LRP1B: variants seen among roughly 807,000 people sequenced by gnomAD.
The protein encoded by LRP1B is low-density lipoprotein receptor-related protein 1B.
Under a neutral mutation model 556.6 loss-of-function variants are expected in LRP1B, and 217 were observed. That is an observed-to-expected ratio of 0.39 (90% CI 0.35 to 0.44). The LOEUF (loss-of-function observed/expected upper bound fraction) is 0.44. Among genes scored for constraint, LRP1B ranks in the 20% least tolerant of loss-of-function variants. The pLI is 1.00. For missense variants in LRP1B, 5,053 were observed against 5,620.8 expected (o/e 0.90, Z 3.23); for synonymous variants, 2,047 against 1,865.8 (o/e 1.10, Z -2.50).
intron 1 of LRP1B, among the ~76,000 whole-genome samples, chr2:142,037,797 T>C (rs1460290100): frequency 6.6e-6 from 1 of 150,880 alleles, no homozygotes; most frequent in African/African-American, 2.4e-5. Context: ...ATTATTACCC[T>C]AAACATTTTT....
At chr2:141,946,790 G>A (rs759472356) in intron 1 of LRP1B, among the ~76,000 whole-genome samples, 8 of 152,004 alleles carry the variant, frequency 5.3e-5, no homozygotes, top group Non-Finnish European at 8.8e-5. Context: ...GTATCTCACC[G>A]ACATTATTTG....
At chr2:140,921,634 A>C (rs1573881573) in intron 21 of LRP1B, among the ~76,000 whole-genome samples, 2 of 152,010 alleles carry the variant, frequency 1.3e-5, no homozygotes, top group East Asian at 3.8e-4. Context: ...AATAACCCTA[A>C]AATTATGACT....
intron 2 of LRP1B, among the ~76,000 whole-genome samples, chr2:141,504,236 AAGTTCTC>A (rs1683834729): frequency 6.6e-6 from 1 of 152,180 alleles, no homozygotes; most frequent in African/African-American, 2.4e-5. Context: ...TAAAGACTGT[AAGTTCTC>A]CAAGGGCAGG....
At chr2:140,507,090 T>G (rs1689451114) in intron 52 of LRP1B, among the ~76,000 whole-genome samples, 172 bp from the exon 53 acceptor site, 1 of 152,324 alleles carries the variant, frequency 6.6e-6, no homozygotes, top group South Asian at 2.1e-4. Context: ...GCATATGTAT[T>G]TATATTAGAA....
At chr2:141,165,348 AT>A (rs141482928) in intron 7 of LRP1B, among the ~76,000 whole-genome samples, 1 of 151,454 alleles carries the variant, frequency 6.6e-6, no homozygotes, top group Non-Finnish European at 1.5e-5. Context: ...ATTTTTGTTT[AT>A]TTATTTATTG....
intron 6 of LRP1B, among the ~76,000 whole-genome samples, chr2:141,222,330 T>C (rs970246979): frequency 1.3e-5 from 2 of 152,094 alleles, no homozygotes; most frequent in Admixed American, 1.3e-4. Context: ...CACCCAAGAC[T>C]GAACCAGAAA....
intron 1 of LRP1B, among the ~76,000 whole-genome samples, chr2:142,053,407 A>T (rs1020580996): frequency 6.6e-6 from 1 of 152,012 alleles, no homozygotes; most frequent in Non-Finnish European, 1.5e-5. Flanking sequence ...ATAAAATACA[A>T]CTCTTAGACT....
intron 3 of LRP1B, among the ~76,000 whole-genome samples, chr2:141,473,396 ACCTATAGAAGTTCTATTCTT>A (rs1277124839): frequency 6.6e-6 from 1 of 152,158 alleles, no homozygotes; most frequent in African/African-American, 2.4e-5. Flanking sequence ...AGGATGAAAC[ACCTATAGAAGTTCTATTCTT>A]TCTAGAAATT....
intron 2 of LRP1B, among the ~76,000 whole-genome samples, chr2:141,753,015 G>A (rs553965798): frequency 2.7e-5 from 4 of 145,590 alleles, no homozygotes; most frequent in South Asian, 4.4e-4. Flanking sequence ...TTGGGAGGCC[G>A]AGGCAGGTGG....
intron 7 of LRP1B, among the ~76,000 whole-genome samples, chr2:141,152,780 C>T (rs1249448): frequency 0.31 from 46,877 of 151,290 alleles, 7,749 homozygotes; most frequent in East Asian, 0.65. Context: ...ATGAATGAAT[C>T]GGTTAAATTC....
At chr2:141,314,218 A>G (rs1686913528) in intron 3 of LRP1B, among the ~76,000 whole-genome samples, 2 of 152,154 alleles carry the variant, frequency 1.3e-5, no homozygotes, top group Non-Finnish European at 2.9e-5. Context: ...TACCTGGTAT[A>G]GCTCTGTCTT....
At chr2:140,507,785 G>A (rs1420766033) in intron 52 of LRP1B, among the ~76,000 whole-genome samples, 1 of 152,098 alleles carries the variant, frequency 6.6e-6, no homozygotes, top group East Asian at 1.9e-4. Flanking sequence ...GCAATAATCC[G>A]CTATATGCTA....
chr2:140,631,244 T>C (rs566096704), intron 41 of LRP1B, among the ~76,000 whole-genome samples: 76 of 152,272 alleles, frequency 5.0e-4, no homozygotes, highest in African/African-American at 1.7e-3. Context: ...TGATACATCA[T>C]GTCTAGCTTT....
intron 82 of LRP1B, among the ~76,000 whole-genome samples, chr2:140,316,958 AG>A (rs1684549817): frequency 1.3e-5 from 2 of 152,100 alleles, no homozygotes; most frequent in African/African-American, 4.8e-5. Context: ...GTAAGCAAGT[AG>A]CATTCTTATT....
At chr2:142,036,091 T>C (rs1231841990) in intron 1 of LRP1B, among the ~76,000 whole-genome samples, 1 of 151,718 alleles carries the variant, frequency 6.6e-6, no homozygotes, top group Non-Finnish European at 1.5e-5. Flanking sequence ...GTCTTAGGTA[T>C]GTCTTAATCA....
intron 66 of LRP1B, among the ~76,000 whole-genome samples, chr2:140,435,239 T>C (rs1351472926): frequency 6.7e-6 from 1 of 149,654 alleles, no homozygotes; most frequent in African/African-American, 2.5e-5. Flanking sequence ...ATTTCTTACA[T>C]ATTTTGTTTT....
rs1392522378 is a variant in LRP1B, at chr2:141,359,281, C to A, written c.344-104640G>T. Among the ~76,000 whole-genome samples, 358 of 83,500 alleles carry A rather than the reference C, an allele frequency of 4.3e-3. 2 individuals carry two copies. Among genetic ancestry groups the A allele is most frequent in the East Asian group, 9.1e-3 (32 of 3,524 alleles). 54.8% of individuals were successfully genotyped at this position (83,500 alleles called of 152,430 possible). On this transcript the variant is annotated intron_variant, in intron 3 of 90. Transcript: ENST00000389484. ...ACAAAATAAATGAAAAAAAAAAAAA[C>A]CACAGAATTGCTAAATAAATACAAA...
chr2:141,487,611 A>G (rs1034148378), intron 2 of LRP1B, among the ~76,000 whole-genome samples: 1 of 152,140 alleles, frequency 6.6e-6, no homozygotes, highest in African/African-American at 2.4e-5. Context: ...ATCAATTTTA[A>G]GTATTTATAC....
chr2:140,994,873 T>TA (rs1482093727), intron 15 of LRP1B, among the ~76,000 whole-genome samples: 2 of 152,182 alleles, frequency 1.3e-5, no homozygotes, highest in African/African-American at 4.8e-5. Context: ...TAATTGAAAC[T>TA]ATAAAACATT....
Sources: gnomAD v4.1 joint callset for allele counts (sites outside exome capture counted in the v4.1 genomes callset) on GRCh38, gnomAD v4.1.1 for gene constraint, MANE v1.5 for transcripts, NCBI Gene and HGNC (gene_info 2026-07-23, HGNC 2026-07-21) for gene names.